Variants in TSHZ2 observed in about 807,000 individuals in gnomAD.
The protein encoded by TSHZ2 is teashirt zinc finger homeobox 2.
In TSHZ2, 21 loss-of-function variants were observed where a neutral mutation model predicts 74.4. The ratio of observed to expected loss-of-function variants is 0.28; its 90% confidence interval spans 0.20 to 0.41. The LOEUF is 0.41. Ranked by LOEUF, TSHZ2 falls within the 10% of genes least tolerant of loss-of-function variation. TSHZ2 has a pLI of 1.00. For missense variants in TSHZ2, 1,244 were observed against 1,293.5 expected (o/e 0.96, Z 0.59); for synonymous variants, 540 against 515.3 (o/e 1.05, Z -0.65).
intron 2 of TSHZ2, among the ~76,000 whole-genome samples, chr20:53,276,423 G>A (rs1162044536): frequency 1.3e-5 from 2 of 152,154 alleles, no homozygotes; most frequent in East Asian, 1.9e-4. Context: ...GAGCAGCTGC[G>A]TAGATCTATC....
chr20:53,025,502 G>T (rs969333531), intron 1 of TSHZ2, among the ~76,000 whole-genome samples: 7 of 152,112 alleles, frequency 4.6e-5, no homozygotes, highest in Non-Finnish European at 1.0e-4. Flanking sequence ...GCCCTTCCTG[G>T]AAATAGGCTG....
intron 2 of TSHZ2, among the ~76,000 whole-genome samples, chr20:53,303,641 A>C (rs1193520065): frequency 6.6e-6 from 1 of 152,170 alleles, no homozygotes. Context: ...CTTAATAGGG[A>C]AGGCAATCTG....
intron 1 of TSHZ2, among the ~76,000 whole-genome samples, chr20:53,126,574 G>A (rs1293931843): frequency 6.6e-6 from 1 of 152,174 alleles, no homozygotes; most frequent in Non-Finnish European, 1.5e-5. Flanking sequence ...ATTATTGAGT[G>A]GGGCTATTAA....
chr20:53,479,714 A>G (rs6091680), intron 2 of TSHZ2, among the ~76,000 whole-genome samples: 30,442 of 152,200 alleles, frequency 0.2, 3,217 homozygotes, highest in East Asian at 0.3. Context: ...AACCAAAGAC[A>G]ATTTTGTCCT....
chr20:53,340,878 G>A (rs1161610484), intron 2 of TSHZ2, among the ~76,000 whole-genome samples: 7 of 152,124 alleles, frequency 4.6e-5, no homozygotes, highest in Non-Finnish European at 7.4e-5. Flanking sequence ...ATCTGTGTTC[G>A]CTTGGACAAG....
chr20:53,174,018 G>T (rs1045928453), intron 1 of TSHZ2, among the ~76,000 whole-genome samples: 8 of 152,106 alleles, frequency 5.3e-5, no homozygotes, highest in Non-Finnish European at 1.2e-4. Flanking sequence ...ACCCATGAAG[G>T]CATGGCCCTG....
intron 1 of TSHZ2, among the ~76,000 whole-genome samples, chr20:53,223,323 G>A (rs1989607086): frequency 6.6e-6 from 1 of 152,096 alleles, no homozygotes; most frequent in Non-Finnish European, 1.5e-5. Context: ...TAAAATATAT[G>A]ACAAGAATTA....
rs1444900605 is a variant in TSHZ2, at chr20:53,126,007, C to T, written c.41-127492C>T. On this transcript the variant is annotated intron_variant, in intron 1 of 2. Coordinates refer to ENST00000371497, the MANE Select transcript of TSHZ2 (RefSeq NM_173485.6). ...CACTTAAAAGTTGGTAAAAATAAAA[C>T]TCTGGGTTTTTGTTTGTTGTGTTTT... Among the ~76,000 whole-genome samples, 5 of 148,380 alleles carry T rather than the reference C, an allele frequency of 3.4e-5. No individual in the cohort carries two copies. In the South Asian group the frequency reaches 1.0e-3, roughly 31 times the overall value.
At chr20:53,251,479 A>G (rs575201377) in intron 1 of TSHZ2, among the ~76,000 whole-genome samples, 2 of 152,348 alleles carry the variant, frequency 1.3e-5, no homozygotes, top group Non-Finnish European at 2.9e-5. Flanking sequence ...ATTCGGCCAT[A>G]TGGTCATTTT....
rs1281689485 is a variant in TSHZ2, at chr20:53,220,800, T to G, written c.41-32699T>G. 5.3e-5 allele frequency among the ~76,000 whole-genome samples: 8 copies of G among 152,264 alleles called. No individual in the cohort carries two copies. The East Asian group carries it at 9.6e-4, about 18-fold the overall frequency. On this transcript the variant is annotated intron_variant, in intron 1 of 2. Coordinates refer to ENST00000371497, the MANE Select transcript of TSHZ2 (RefSeq NM_173485.6). ...TACCAGGAATCAAAAACTCAAATGA[T>G]TATAGAAAGAAGAAAAATTAAACAC...
intron 2 of TSHZ2, among the ~76,000 whole-genome samples, chr20:53,339,282 G>T (rs1980081589): frequency 6.6e-6 from 1 of 152,162 alleles, no homozygotes; most frequent in Non-Finnish European, 1.5e-5. Flanking sequence ...CCTATGCAGG[G>T]AGTGGTGGGC....
chr20:53,482,294 C>A (rs530489585), intron 2 of TSHZ2, among the ~76,000 whole-genome samples: 1 of 151,968 alleles, frequency 6.6e-6, no homozygotes, highest in Non-Finnish European at 1.5e-5. Flanking sequence ...ATCTCTTAAC[C>A]CTCTGTTTCC....
intron 2 of TSHZ2, among the ~76,000 whole-genome samples, chr20:53,307,593 G>C (rs998888236): frequency 1.3e-5 from 2 of 152,204 alleles, no homozygotes; most frequent in Non-Finnish European, 2.9e-5. Flanking sequence ...AGCAGAATCT[G>C]TAAGAGTGGG....
At chr20:53,124,299 T>C (rs1352099472) in intron 1 of TSHZ2, among the ~76,000 whole-genome samples, 1 of 152,232 alleles carries the variant, frequency 6.6e-6, no homozygotes, top group Non-Finnish European at 1.5e-5. Context: ...AGGCTTCTGT[T>C]GGGCAATTTG....
intron 1 of TSHZ2, among the ~76,000 whole-genome samples, chr20:52,986,401 C>CAAAAAAAAAA (rs34991984): frequency 8.3e-6 from 1 of 120,806 alleles, no homozygotes; most frequent in Non-Finnish European, 1.7e-5. Flanking sequence ...AAGAATCCAT[C>CAAAAAAAAAA]AAAAAAAAAA....
At chr20:53,134,760 A>G (rs571548343) in intron 1 of TSHZ2, among the ~76,000 whole-genome samples, 66 of 152,144 alleles carry the variant, frequency 4.3e-4, no homozygotes, top group African/African-American at 1.5e-3. Context: ...CTGCTTTTAT[A>G]TTTTTGTTGG....
In TSHZ2 at chr20:53,092,606, ATT is replaced by A. The variant is rs777208906; in HGVS notation, c.40+119275_40+119276del. Among the ~76,000 whole-genome samples, 268 of 152,312 alleles carry A rather than the reference ATT, an allele frequency of 1.8e-3. 5 individuals are homozygous for A. Among genetic ancestry groups the A allele is most frequent in the Non-Finnish European group, 4.7e-4 (32 of 68,030 alleles). ...TTCTTCTGAAACCCTTCTTGGAAAC[ATT>A]TCTCTCCCAGTTGTAATTTGTATAT... is the stretch of plus-strand genomic sequence containing the variant. On this transcript the variant is annotated intron_variant, in intron 1 of 2. Coordinates refer to ENST00000371497, the MANE Select transcript of TSHZ2 (RefSeq NM_173485.6).
chr20:53,254,739 G>A lies in TSHZ2; in HGVS notation c.1281G>A (p.Glu427=), dbSNP rs1990424761. 6.2e-7 allele frequency: 1 copy of A among 1,613,602 alleles called. No individual in the cohort carries two copies. Among genetic ancestry groups the A allele is most frequent in the African/African-American group, 1.3e-5 (1 of 74,900 alleles). ...TGGTATTAGACCCGTTAGCAGTGGAGAAAATGCAGTCGTTGTCTGAGGCCC... is the reference window on the plus strand; with the variant it reads ...TGGTATTAGACCCGTTAGCAGTGGAAAAAATGCAGTCGTTGTCTGAGGCCC... The part of the protein sequence containing the change: ...KQLVLDPLAV[E]KMQSLSEAPN... The change falls in exon 2 of 3, where the codon GAG becomes GAA. Residue 427 remains glutamate (E), a synonymous_variant. Coordinates refer to ENST00000371497, the MANE Select transcript of TSHZ2 (RefSeq NM_173485.6).
intron 1 of TSHZ2, among the ~76,000 whole-genome samples, chr20:53,030,002 C>G (rs7363010): frequency 0.033 from 5,008 of 152,234 alleles, 92 homozygotes; most frequent in South Asian, 0.062. Flanking sequence ...TAGATCAACT[C>G]TTGTTTTAAC....
Sources: allele counts gnomAD v4.1 joint callset (sites outside exome capture counted in the v4.1 genomes callset), GRCh38; gene constraint gnomAD v4.1.1; transcripts MANE v1.5; gene names NCBI Gene and HGNC (gene_info 2026-07-23, HGNC 2026-07-21).